Variants in TRPM3 observed in about 807,000 individuals in gnomAD.
TRPM3 encodes transient receptor potential cation channel subfamily M member 3.
A neutral mutation model predicts 181.2 loss-of-function variants in TRPM3; 77 were observed. That is an observed-to-expected ratio of 0.42 (90% confidence interval 0.35 to 0.51). The LOEUF (loss-of-function observed/expected upper bound fraction) is 0.51. Ranked by LOEUF, TRPM3 falls within the 20% of genes least tolerant of loss-of-function variation. The pLI, the probability that TRPM3 is intolerant of heterozygous loss-of-function variation, is 0.01. For missense variants in TRPM3, 1,759 were observed against 2,196.7 expected, an observed-to-expected ratio of 0.80 and a Z score of 3.98; for synonymous variants, 745 against 796.4, an observed-to-expected ratio of 0.94 and a Z score of 1.09.
Position 70,656,384 on chromosome 9 carries a change from C to T in TRPM3, c.1346-15724G>A, listed in dbSNP as rs982365021. 7.9e-5 allele frequency among the ~76,000 whole-genome samples: 12 copies of T among 152,282 alleles called. 1 individual carries two copies. The highest frequency in any genetic ancestry group is 3.3e-4 in the Admixed American group (5 of 15,296). On this transcript the variant is annotated intron_variant, in intron 9 of 25. Transcript: ENST00000677713. Reference sequence around the variant, plus strand: ...TAACTTCTAATCTTGTGGCTTTAGGCGGTCTAGTCCACAGGCAGTAAGATT... The same window carrying T: ...TAACTTCTAATCTTGTGGCTTTAGGTGGTCTAGTCCACAGGCAGTAAGATT...
chr9:71,423,397 G>A (rs756100426), intron 1 of TRPM3, among the ~76,000 whole-genome samples: 1 of 151,962 alleles, frequency 6.6e-6, no homozygotes, highest in South Asian at 2.1e-4. Flanking sequence ...CTGCATATGG[G>A]AGAAGCAAAC....
chr9:70,899,945 T>G (rs2096359911), intron 1 of TRPM3, among the ~76,000 whole-genome samples: 1 of 152,230 alleles, frequency 6.6e-6, no homozygotes. Flanking sequence ...TTATCATTGC[T>G]TTAAAATATT....
At chr9:70,834,410 TG>T (rs1457278942) in intron 5 of TRPM3, among the ~76,000 whole-genome samples, 1 of 152,218 alleles carries the variant, frequency 6.6e-6, no homozygotes, top group East Asian at 1.9e-4. Flanking sequence ...GGGAAAAGGC[TG>T]TTGAGTTCTG....
At chr9:71,032,924 T>C (rs1317175065) in intron 1 of TRPM3, among the ~76,000 whole-genome samples, 1 of 152,236 alleles carries the variant, frequency 6.6e-6, no homozygotes, top group Non-Finnish European at 1.5e-5. Flanking sequence ...GCTACCTACC[T>C]ATTCATCATA....
At chr9:70,987,297 G>T (rs2097431621) in intron 1 of TRPM3, among the ~76,000 whole-genome samples, 1 of 152,092 alleles carries the variant, frequency 6.6e-6, no homozygotes, top group East Asian at 1.9e-4. Context: ...TAAGTGAAGA[G>T]AGTAATGTCT....
At chr9:71,280,095 A>AGG (rs201311071) in intron 1 of TRPM3, among the ~76,000 whole-genome samples, 4 of 145,356 alleles carry the variant, frequency 2.8e-5, no homozygotes, top group African/African-American at 1.0e-4. Context: ...AAAAAAAAAA[A>AGG]GGGGATGTAT....
chr9:70,647,838 A>G (rs2059101710), intron 9 of TRPM3, among the ~76,000 whole-genome samples: 1 of 152,242 alleles, frequency 6.6e-6, no homozygotes, highest in East Asian at 1.9e-4. Context: ...AAACAACTTC[A>G]GTAAAGTTTC....
intron 1 of TRPM3, among the ~76,000 whole-genome samples, chr9:71,197,682 T>G (rs537793182): frequency 1.2e-4 from 19 of 152,196 alleles, no homozygotes; most frequent in Middle Eastern, 3.4e-3. Context: ...TTGAGAAGTG[T>G]CTGTTCATTT....
chr9:70,841,022 G>T (rs577429171), intron 5 of TRPM3, among the ~76,000 whole-genome samples: 1 of 152,130 alleles, frequency 6.6e-6, no homozygotes, highest in Admixed American at 6.5e-5. Flanking sequence ...ACATTTTAAA[G>T]AATTAATTTA....
intron 6 of TRPM3, among the ~76,000 whole-genome samples, chr9:70,813,652 A>G (rs1050753788): frequency 7.9e-5 from 12 of 152,192 alleles, no homozygotes; most frequent in Admixed American, 7.2e-4. Flanking sequence ...TCCCGAAACT[A>G]AAATAAAAAT....
At chr9:71,275,241 C>G (rs2084104965) in intron 1 of TRPM3, among the ~76,000 whole-genome samples, 1 of 152,246 alleles carries the variant, frequency 6.6e-6, no homozygotes, top group African/African-American at 2.4e-5. Context: ...ATTTCAATTT[C>G]TATTCTCCAG....
chr9:70,548,356 C>T (rs542063203), intron 25 of TRPM3, among the ~76,000 whole-genome samples: 13 of 152,204 alleles, frequency 8.5e-5, no homozygotes, highest in Admixed American at 1.3e-4. Context: ...GGCTGAGTAC[C>T]GATGGATACT....
chr9:70,830,082 C>T (rs997576845), intron 5 of TRPM3, among the ~76,000 whole-genome samples: 1 of 152,086 alleles, frequency 6.6e-6, no homozygotes, highest in South Asian at 2.1e-4. Flanking sequence ...AGGGGTAAGA[C>T]CAAAGCAGTC....
intron 1 of TRPM3, among the ~76,000 whole-genome samples, chr9:71,240,936 C>A (rs1381060643): frequency 6.6e-6 from 1 of 152,136 alleles, no homozygotes; most frequent in Non-Finnish European, 1.5e-5. Context: ...AAATTTCCTA[C>A]TATGTAGATT....
chr9:70,960,921 C>A (rs2097130179), intron 1 of TRPM3, among the ~76,000 whole-genome samples: 1 of 152,178 alleles, frequency 6.6e-6, no homozygotes, highest in African/African-American at 2.4e-5. Context: ...AAGCCCATCA[C>A]TGAAAGTGTT....
rs973705657 is a variant in TRPM3 at position 70,632,206 on chromosome 9, T to C, written c.1632+3005A>G. Among the ~76,000 whole-genome samples, 5 of 152,234 alleles carry C rather than the reference T, an allele frequency of 3.3e-5. No individual in the cohort carries two copies. In the East Asian group the frequency reaches 9.6e-4, roughly 29 times the overall value. The stretch of plus-strand genomic sequence containing the variant: ...CTAGTTTTGTAGCCTTTGATTATCC[T>C]ATTGGCCTAAATTGCTAGAAGTCAC... On this transcript the variant is annotated intron_variant, in intron 12 of 25. Transcript: ENST00000677713.
chr9:70,598,155 C>T (rs1240480819), intron 21 of TRPM3, among the ~76,000 whole-genome samples: 1 of 152,182 alleles, frequency 6.6e-6, no homozygotes, highest in Non-Finnish European at 1.5e-5. Context: ...GTATACCCAA[C>T]TCCTAGTCCA....
intron 1 of TRPM3, among the ~76,000 whole-genome samples, chr9:70,893,492 T>C (rs991932920): frequency 6.6e-6 from 1 of 152,160 alleles, no homozygotes; most frequent in Non-Finnish European, 1.5e-5. Context: ...CTAATAGAAA[T>C]ATCAGTATAA....
intron 1 of TRPM3, among the ~76,000 whole-genome samples, chr9:71,020,476 T>C (rs1379247109): frequency 1.4e-5 from 2 of 141,034 alleles, no homozygotes; most frequent in Non-Finnish European, 3.1e-5. Flanking sequence ...GACCCCGTCT[T>C]GAAAAAAAAA....
Sources: allele counts gnomAD v4.1 joint callset (sites outside exome capture counted in the v4.1 genomes callset), GRCh38; gene constraint gnomAD v4.1.1; transcripts MANE v1.5; gene names NCBI Gene and HGNC (gene_info 2026-07-23, HGNC 2026-07-21).